Variants in PLS1 observed in about 807,000 individuals in gnomAD.
The protein encoded by PLS1 is plastin 1.
Under a neutral mutation model 73.7 loss-of-function variants are expected in PLS1, and 32 were observed. The ratio of observed to expected loss-of-function variants is 0.43; its 90% CI spans 0.33 to 0.58. The LOEUF is 0.58. Ranked by LOEUF, PLS1 falls within the 20% of genes least tolerant of loss-of-function variation. The pLI is 0.04. For missense variants in PLS1, 633 were observed against 740.5 expected, an observed-to-expected ratio of 0.85 and a Z score of 1.68; for synonymous variants, 217 against 261.3, an observed-to-expected ratio of 0.83 and a Z score of 1.63.
chr3:142,598,736 G>A (rs571564073), intron 1 of PLS1, among the ~76,000 whole-genome samples: 181 of 152,240 alleles, frequency 1.2e-3, no homozygotes, highest in Non-Finnish European at 2.1e-3. Context: ...GGTGGCTCAC[G>A]CCTGTAATCC....
intron 1 of PLS1, among the ~76,000 whole-genome samples, chr3:142,650,211 CTTTTT>C (rs1171297517): frequency 4.1e-3 from 293 of 70,914 alleles, no homozygotes; most frequent in African/African-American, 0.016. Flanking sequence ...GCTTCTTCTT[CTTTTT>C]TTTTTTTTTT....
At position 142,605,055 on chromosome 3, in the gene PLS1, C is replaced by G. The variant is rs575222199; in HGVS notation, c.-37+8546C>G. On this transcript the variant is annotated intron_variant, in intron 1 of 15. Transcript: ENST00000457734. ...AATTTAAAGTTTAGATACCTGAAAC[C>G]AGTTGGCCTATGATCAGAACCATGG... Among the ~76,000 whole-genome samples, 3 of 152,060 alleles carry G rather than the reference C, an allele frequency of 2.0e-5. No individual in the cohort carries two copies. The East Asian group carries it at 5.8e-4, about 29-fold the overall frequency.
At chr3:142,654,299 A>T (rs1050703679) in intron 1 of PLS1, among the ~76,000 whole-genome samples, 4 of 152,202 alleles carry the variant, frequency 2.6e-5, no homozygotes, top group African/African-American at 9.7e-5. Context: ...GGAAGAATGA[A>T]GGCTATATCA....
intron 1 of PLS1, among the ~76,000 whole-genome samples, chr3:142,630,412 C>A (rs1396975161): frequency 2.9e-5 from 3 of 104,692 alleles, no homozygotes. Flanking sequence ...CACAGTGAGA[C>A]CCTGCCTCAA....
intron 1 of PLS1, chr3:142,623,283 C>T: frequency 6.6e-6 from 1 of 152,134 alleles, no homozygotes; most frequent in Non-Finnish European, 1.5e-5. Flanking sequence ...CAGCTATAAT[C>T]AAATAGAATG....
intron 11 of PLS1, among the ~76,000 whole-genome samples, chr3:142,696,934 C>A (rs2038222827): frequency 1.3e-5 from 2 of 151,770 alleles, no homozygotes; most frequent in African/African-American, 4.8e-5. Context: ...AGACTTTCTC[C>A]CTCTATCACC....
intron 12 of PLS1, among the ~76,000 whole-genome samples, chr3:142,700,132 A>T (rs2038296519): frequency 6.6e-6 from 1 of 152,214 alleles, no homozygotes; most frequent in African/African-American, 2.4e-5. Context: ...AGAATGAAAC[A>T]TAAAGCCTGA....
intron 1 of PLS1, among the ~76,000 whole-genome samples, chr3:142,604,256 A>G (rs1373094668): frequency 6.6e-6 from 1 of 152,180 alleles, no homozygotes; most frequent in Non-Finnish European, 1.5e-5. Flanking sequence ...AGAGGGGGAA[A>G]GGTTTAGACA....
chr3:142,650,766 T>A (rs1410817469), intron 1 of PLS1, among the ~76,000 whole-genome samples: 1 of 152,192 alleles, frequency 6.6e-6, no homozygotes, highest in African/African-American at 2.4e-5. Context: ...GAAGTGTTAA[T>A]ACAGACATTA....
intron 1 of PLS1, among the ~76,000 whole-genome samples, chr3:142,632,463 C>A (rs2036586153): frequency 6.6e-6 from 1 of 151,872 alleles, no homozygotes. Context: ...GTGATTGGAC[C>A]CCTTTTGAGA....
intron 1 of PLS1, among the ~76,000 whole-genome samples, chr3:142,600,902 ATATATATATATATATTTTTTTT>A: frequency 3.2e-5 from 1 of 30,898 alleles, no homozygotes; most frequent in African/African-American, 2.3e-4. Context: ...ATATATATAT[ATATATATATATATATTTTTTTT>A]TTTTTTTTTT....
chr3:142,674,698 G>A (rs1438178631), intron 4 of PLS1, among the ~76,000 whole-genome samples: 1 of 152,102 alleles, frequency 6.6e-6, no homozygotes, highest in Non-Finnish European at 1.5e-5. Flanking sequence ...CAAAGATAGT[G>A]CTGGTATCTA....
At chr3:142,672,278 A>G (rs2037619057) in intron 4 of PLS1, among the ~76,000 whole-genome samples, 1 of 151,630 alleles carries the variant, frequency 6.6e-6, no homozygotes, top group East Asian at 1.9e-4. Context: ...TTGTCACCAT[A>G]AATTTTTGTT....
intron 1 of PLS1, among the ~76,000 whole-genome samples, chr3:142,614,157 T>C (rs916550117): frequency 2.0e-5 from 3 of 152,244 alleles, no homozygotes; most frequent in Non-Finnish European, 4.4e-5. Flanking sequence ...GTTCATGATC[T>C]GTACAATTAC....
At chr3:142,707,176 G>T (rs2038480059) in intron 14 of PLS1, among the ~76,000 whole-genome samples, 1 of 152,182 alleles carries the variant, frequency 6.6e-6, no homozygotes, top group Non-Finnish European at 1.5e-5. Context: ...GAGTGCAAAT[G>T]GTTAAGAAAT....
At chr3:142,616,266 T>C (rs886240512) in intron 1 of PLS1, among the ~76,000 whole-genome samples, 10 of 152,212 alleles carry the variant, frequency 6.6e-5, no homozygotes, top group African/African-American at 2.4e-4. Flanking sequence ...CATGAAGACT[T>C]TCTTCAGATG....
intron 14 of PLS1, among the ~76,000 whole-genome samples, chr3:142,709,100 A>G (rs1215150702): frequency 1.3e-5 from 2 of 152,268 alleles, no homozygotes; most frequent in Non-Finnish European, 2.9e-5. Flanking sequence ...GTAAGCCCAT[A>G]GAAATTAAAA....
rs1933226504 is a variant in PLS1, at chr3:142,713,446, T to G, written c.*1439T>G. ...ACAGGTGGAATTTGAAATATATTCT[T>G]CTACAAAAGAGATTTCTTTCCCTTT... On this transcript the variant is annotated 3_prime_UTR_variant, in exon 16 of 16. Transcript: ENST00000457734. 1 of 152,628 alleles carries G rather than the reference T, an allele frequency of 6.6e-6. No individual in the cohort carries two copies. Among genetic ancestry groups the G allele is most frequent in the African/African-American group, 2.4e-5 (1 of 41,462 alleles). The allele number at this position is 152,628 out of a possible 1,614,324, so 9.5% of individuals were successfully genotyped here. A position where few individuals can be genotyped will look rare whatever the true frequency, so the allele number is the denominator to read the frequency against.
intron 14 of PLS1, among the ~76,000 whole-genome samples, chr3:142,709,477 A>G (rs770427628): frequency 6.6e-6 from 1 of 152,228 alleles, no homozygotes; most frequent in Admixed American, 6.5e-5. Flanking sequence ...TTCCTGCCCA[A>G]AAATCTGTAT....
Sources: allele counts gnomAD v4.1 joint callset (sites outside exome capture counted in the v4.1 genomes callset), GRCh38; gene constraint gnomAD v4.1.1; transcripts MANE v1.5; gene names NCBI Gene and HGNC (gene_info 2026-07-23, HGNC 2026-07-21).